Variants in NRXN3 observed in about 807,000 individuals in gnomAD.
The protein encoded by NRXN3 is neurexin III.
Under a neutral mutation model 137.6 loss-of-function variants are expected in NRXN3, and 32 were observed. The observed-to-expected ratio is 0.23, with a 90% CI of 0.18 to 0.31. The LOEUF (loss-of-function observed/expected upper bound fraction) is 0.31. NRXN3 is among the 10% of genes least tolerant of loss of function. The probability of loss-of-function intolerance (pLI) is 1.00; values close to 1 mark genes in which losing one functional copy is unlikely to be tolerated. For missense variants in NRXN3, 1,574 were observed against 2,062.5 expected (o/e 0.76, Z 4.59); for synonymous variants, 798 against 784.5 (o/e 1.02, Z -0.29).
At chr14:79,516,473 A>T (rs1464701084) in intron 16 of NRXN3, among the ~76,000 whole-genome samples, 1 of 152,130 alleles carries the variant, frequency 6.6e-6, no homozygotes, top group African/African-American at 2.4e-5. Context: ...GGATGCACAG[A>T]TGTGTTTTCA....
chr14:78,797,894 T>C (rs2098826887), intron 8 of NRXN3, among the ~76,000 whole-genome samples: 1 of 152,150 alleles, frequency 6.6e-6, no homozygotes, highest in Admixed American at 6.5e-5. Flanking sequence ...GTGAGACTTA[T>C]TCACTATGAT....
intron 15 of NRXN3, among the ~76,000 whole-genome samples, chr14:79,120,662 C>G (rs1212222612): frequency 1.3e-5 from 2 of 151,970 alleles, no homozygotes; most frequent in African/African-American, 2.4e-5. Flanking sequence ...CCTCACTATC[C>G]TTTTTAAATT....
At chr14:78,273,632 T>C (rs1166325340) in intron 2 of NRXN3, among the ~76,000 whole-genome samples, 1 of 152,166 alleles carries the variant, frequency 6.6e-6, no homozygotes, top group East Asian at 1.9e-4. Context: ...AGGAGCAGCC[T>C]AGAGCCCCAG....
In NRXN3 at chr14:78,431,730, G is replaced by C. The variant is rs77161213; in HGVS notation, c.757+133870G>C. 5.7e-3 allele frequency among the ~76,000 whole-genome samples: 861 copies of C among 152,200 alleles called. 30 individuals are homozygous for C. The East Asian group carries it at 0.067, about 12-fold the overall frequency. On this transcript the variant is annotated intron_variant, in intron 4 of 20. Transcript: ENST00000335750. ...CTTTAGTGACTGGTCTACTTCCTCA[G>C]TTTTACAGATTATAAAGTAATAATA...
At position 79,034,973 on chromosome 14, in the gene NRXN3, T is replaced by C. The variant is rs1232146513; in HGVS notation, c.3262+46832T>C. Among the ~76,000 whole-genome samples the C allele has an allele frequency of 3.3e-5, 5 of 152,224 alleles. No individual in the cohort carries two copies. The East Asian group carries it at 9.7e-4, about 29-fold the overall frequency. On this transcript the variant is annotated intron_variant, in intron 15 of 20. Transcript: ENST00000335750. ...TGAGATTAACTTTTTACTGATGCCA[T>C]GTGGAGTAAGATTATCGAAGCATCT...
At chr14:79,211,882 C>T (rs1232453777) in intron 15 of NRXN3, among the ~76,000 whole-genome samples, 1 of 152,120 alleles carries the variant, frequency 6.6e-6, no homozygotes, top group Non-Finnish European at 1.5e-5. Context: ...CTCACTGTTA[C>T]AGTAACAGTG....
chr14:78,697,977 G>T (rs2098243678), intron 6 of NRXN3: 1 of 152,036 alleles, frequency 6.6e-6, no homozygotes, highest in South Asian at 2.1e-4. Context: ...GGCCAGGCAA[G>T]AAATACTTTG....
chr14:78,380,482 G>C (rs1271098672), intron 4 of NRXN3, among the ~76,000 whole-genome samples: 1 of 152,068 alleles, frequency 6.6e-6, no homozygotes, highest in East Asian at 1.9e-4. Context: ...TTTCTTACAG[G>C]ATACACACAC....
intron 15 of NRXN3, among the ~76,000 whole-genome samples, chr14:79,126,313 T>C (rs1270279181): frequency 2.6e-5 from 4 of 151,448 alleles, no homozygotes; most frequent in Non-Finnish European, 5.9e-5. Flanking sequence ...CTCCCAATGC[T>C]ATCCCTCCCC....
intron 4 of NRXN3, among the ~76,000 whole-genome samples, chr14:78,441,292 TTTC>T (rs1392992031): frequency 6.6e-6 from 1 of 152,206 alleles, no homozygotes; most frequent in East Asian, 1.9e-4. Context: ...TCCTCCCTAT[TTTC>T]TTCTTCTAAA....
At chr14:79,692,424 A>G (rs1226090631) in intron 18 of NRXN3, among the ~76,000 whole-genome samples, 162 bp downstream of exon 18, 3 of 152,118 alleles carry the variant, frequency 2.0e-5, no homozygotes, top group African/African-American at 7.2e-5. Flanking sequence ...ATATGTTGAT[A>G]AATCATGCTA....
intron 16 of NRXN3, among the ~76,000 whole-genome samples, chr14:79,579,685 T>A (rs1009727388): frequency 2.0e-5 from 3 of 152,144 alleles, no homozygotes; most frequent in African/African-American, 7.2e-5. Context: ...TATATAATAT[T>A]TTACATATCA....
chr14:78,301,162 A>T (rs959787301), intron 4 of NRXN3, among the ~76,000 whole-genome samples: 1 of 133,954 alleles, frequency 7.5e-6, no homozygotes, highest in Non-Finnish European at 1.7e-5. Context: ...ATTGGGGGGG[A>T]TATTTATTTA....
intron 15 of NRXN3, among the ~76,000 whole-genome samples, chr14:79,095,117 A>C (rs1048517117): frequency 6.6e-5 from 10 of 152,032 alleles, no homozygotes; most frequent in African/African-American, 2.2e-4. Flanking sequence ...TCTGACTGGC[A>C]TGCATTATGC....
intron 4 of NRXN3, among the ~76,000 whole-genome samples, chr14:78,385,490 C>A (rs903150445): frequency 6.6e-6 from 1 of 152,080 alleles, no homozygotes; most frequent in Admixed American, 6.5e-5. Flanking sequence ...CCCAATGAGC[C>A]AGCACAGTTA....
intron 15 of NRXN3, among the ~76,000 whole-genome samples, chr14:79,412,555 G>A (rs2153517060): frequency 6.6e-6 from 1 of 151,868 alleles, no homozygotes; most frequent in Non-Finnish European, 1.5e-5. Context: ...GAGGTGGGTG[G>A]ATCATTTGAG....
chr14:79,145,667 C>A lies in NRXN3; in HGVS notation c.3262+157526C>A, dbSNP rs114149010. Among the ~76,000 whole-genome samples the A allele has an allele frequency of 5.6e-3, 849 of 152,252 alleles. 7 individuals are homozygous for A. The highest frequency in any genetic ancestry group is 0.019 in the African/African-American group (789 of 41,548). Reference sequence around the variant, plus strand: ...CAATTGTTCTATGATACTTCTCTTTCAATGCACAACTCCCAATTAATTCCT... The same window carrying A: ...CAATTGTTCTATGATACTTCTCTTTAAATGCACAACTCCCAATTAATTCCT... On this transcript the variant is annotated intron_variant, in intron 15 of 20. Transcript: ENST00000335750.
intron 15 of NRXN3, among the ~76,000 whole-genome samples, chr14:79,379,454 A>G (rs2094401768): frequency 6.6e-6 from 1 of 152,156 alleles, no homozygotes; most frequent in African/African-American, 2.4e-5. Context: ...GCCCATGTTC[A>G]TATGACAGCT....
intron 4 of NRXN3, among the ~76,000 whole-genome samples, chr14:78,435,007 A>C (rs1360802479): frequency 1.3e-5 from 2 of 152,190 alleles, no homozygotes; most frequent in Non-Finnish European, 2.9e-5. Context: ...GGTTGTCCAC[A>C]TGCCCCTTCT....
Sources: gnomAD v4.1 joint callset for allele counts (sites outside exome capture counted in the v4.1 genomes callset) on GRCh38, gnomAD v4.1.1 for gene constraint, MANE v1.5 for transcripts, NCBI Gene and HGNC (gene_info 2026-07-23, HGNC 2026-07-21) for gene names.